VDAC1: variants seen among roughly 807,000 people sequenced by gnomAD.
VDAC1 encodes non-selective voltage-gated ion channel VDAC1.
A neutral mutation model predicts 34.7 loss-of-function variants in VDAC1; 10 were observed. That is an observed-to-expected ratio of 0.29 (90% CI 0.18 to 0.49). VDAC1 has a LOEUF of 0.49. Among genes scored for constraint, VDAC1 ranks in the 20% least tolerant of loss-of-function variants. The probability of loss-of-function intolerance (pLI) is 0.99; values close to 1 mark genes in which losing one functional copy is unlikely to be tolerated. For synonymous variants in VDAC1, 130 were observed against 136.0 expected, an observed-to-expected ratio of 0.96 and a Z score of 0.30; for missense variants, 230 against 347.9, an observed-to-expected ratio of 0.66 and a Z score of 2.69.
the VDAC1 span, among the ~76,000 whole-genome samples, chr5:134,077,602 ACT>A: frequency 6.6e-6 from 1 of 152,156 alleles, no homozygotes; most frequent in East Asian, 1.9e-4. Context: ...TGTGTGTCCA[ACT>A]CTGTTTAAGA....
chr5:134,068,965 A>ACT, the VDAC1 span, among the ~76,000 whole-genome samples: 2 of 77,148 alleles, frequency 2.6e-5, no homozygotes, highest in African/African-American at 9.7e-5. Flanking sequence ...CTGGGAGGTG[A>ACT]CTGTGTGTGT....
the VDAC1 span, among the ~76,000 whole-genome samples, chr5:134,093,196 A>G: frequency 6.6e-6 from 1 of 152,226 alleles, no homozygotes; most frequent in East Asian, 1.9e-4. Context: ...GGTTAGATGT[A>G]AAGAGAACCT....
chr5:134,071,444 G>A, the VDAC1 span, among the ~76,000 whole-genome samples: 1 of 152,176 alleles, frequency 6.6e-6, no homozygotes, highest in East Asian at 1.9e-4. This position sits in a 1 kb window ranked among gnomAD's most constrained non-coding sequence, Gnocchi z 4.1. Context: ...CCTCGGGGGA[G>A]CGCCCTTCTC....
At chr5:134,023,310 C>A in the VDAC1 span, among the ~76,000 whole-genome samples, 1 of 152,052 alleles carries the variant, frequency 6.6e-6, no homozygotes, top group Admixed American at 6.6e-5. Context: ...GAACATCACA[C>A]ACTGGGGTCT....
the VDAC1 span, among the ~76,000 whole-genome samples, chr5:134,067,687 GGAGGGA>G: frequency 1.3e-4 from 19 of 147,224 alleles, no homozygotes; most frequent in African/African-American, 3.6e-4. Flanking sequence ...GAGGAGAGGG[GGAGGGA>G]GAGGGAGAGG....
At chr5:134,004,756 G>GGGCGGCGCGGACGGC (rs1156438224) in intron 1 of VDAC1, 139 bp downstream of exon 1, 1 of 149,774 alleles carries the variant, frequency 6.7e-6, no homozygotes, top group Non-Finnish European at 1.5e-5. Flanking sequence ...GCCAAGGGCG[G>GGGCGGCGCGGACGGC]GGCGGCGCGG....
At chr5:134,007,338 G>A (rs893770849), upstream of VDAC1, among the ~76,000 whole-genome samples, 6 of 152,186 alleles carry the variant, frequency 3.9e-5, no homozygotes, top group Non-Finnish European at 8.8e-5. Flanking sequence ...GGGAGGCCAA[G>A]GAGGTAGGAT....
chr5:133,976,026 A>C lies in VDAC1; in HGVS notation c.552-5T>G. The C allele has an allele frequency of 6.2e-7, 1 of 1,614,160 alleles. No individual in the cohort carries two copies. Among genetic ancestry groups the C allele is most frequent in the Admixed American group, 1.7e-5 (1 of 60,024 alleles). The stretch of plus-strand genomic sequence containing the variant: ...CCAAACTCTGTCCCGTCATTCCTGC[A>C]AACAAGCACAGGACAGATGCTGAGC... On this transcript the variant is annotated splice_polypyrimidine_tract_variant and splice_region_variant and intron_variant, in intron 6 of 8. Coordinates refer to ENST00000265333, the MANE Select transcript of VDAC1 (RefSeq NM_003374.3).
chr5:134,018,715 A>T, the VDAC1 span, among the ~76,000 whole-genome samples: 1 of 152,160 alleles, frequency 6.6e-6, no homozygotes, highest in Admixed American at 6.5e-5. Flanking sequence ...TAAACGAACA[A>T]TGTGATTTAG....
At chr5:134,023,423 C>T in the VDAC1 span, among the ~76,000 whole-genome samples, 2 of 148,228 alleles carry the variant, frequency 1.3e-5, no homozygotes, top group Non-Finnish European at 3.0e-5. Flanking sequence ...CACCATGGCA[C>T]ACGTATACCT....
At chr5:134,000,354 C>A (rs1046435046) in intron 1 of VDAC1, among the ~76,000 whole-genome samples, 3 of 152,224 alleles carry the variant, frequency 2.0e-5, no homozygotes, top group Non-Finnish European at 2.9e-5. Context: ...AGCTGGGCCA[C>A]CACCAGCACA....
chr5:134,027,934 C>A, the VDAC1 span, among the ~76,000 whole-genome samples: 1 of 151,542 alleles, frequency 6.6e-6, no homozygotes, highest in Non-Finnish European at 1.5e-5. Flanking sequence ...CCATACCCTG[C>A]TAATTTTTGT....
the VDAC1 span, among the ~76,000 whole-genome samples, chr5:134,017,183 C>T: frequency 6.6e-6 from 1 of 152,154 alleles, no homozygotes; most frequent in African/African-American, 2.4e-5. Flanking sequence ...ATAAGTATTT[C>T]AAGCCGGGCG....
chr5:134,028,319 G>T, the VDAC1 span, among the ~76,000 whole-genome samples: 1 of 150,756 alleles, frequency 6.6e-6, no homozygotes, highest in Non-Finnish European at 1.5e-5. Context: ...TTTTAGTAGG[G>T]ACAGGGTTTC....
At chr5:134,077,295 A>G in the VDAC1 span, among the ~76,000 whole-genome samples, 4 of 150,514 alleles carry the variant, frequency 2.7e-5, no homozygotes, top group African/African-American at 7.4e-5. Flanking sequence ...AAAAAAAAAA[A>G]GGGATTAAAC....
In VDAC1 at chr5:133,989,506, C is replaced by T. The variant is rs188829317; in HGVS notation, c.323+1349G>A. ...TCCCAAGTATCTGGGACTACAGGCA[C>T]GCACCATCATGCCTGGCTAATTTTT... On this transcript the variant is annotated intron_variant, in intron 5 of 8. Transcript: ENST00000265333. Among the ~76,000 whole-genome samples the T allele has an allele frequency of 2.2e-3, 336 of 150,480 alleles. 1 individual carries two copies. The highest frequency in any genetic ancestry group is 3.2e-3 in the Non-Finnish European group (218 of 67,588).
At chr5:134,016,824 A>G in the VDAC1 span, among the ~76,000 whole-genome samples, 1 of 152,212 alleles carries the variant, frequency 6.6e-6, no homozygotes, top group Non-Finnish European at 1.5e-5. Context: ...CCTGCTGTGT[A>G]GGGTTGTGTG....
chr5:134,077,378 T>C, the VDAC1 span, among the ~76,000 whole-genome samples: 1 of 151,856 alleles, frequency 6.6e-6, no homozygotes, highest in East Asian at 1.9e-4. Context: ...GAAAAAAAAC[T>C]TCAGCTCAGC....
At chr5:134,011,639 CTT>C in the VDAC1 span, among the ~76,000 whole-genome samples, 202 of 135,028 alleles carry the variant, frequency 1.5e-3, no homozygotes, top group Admixed American at 1.3e-3. Context: ...ATCACAAGTT[CTT>C]TTTTTTTTTT....
Sources: allele counts gnomAD v4.1 joint callset (sites outside exome capture counted in the v4.1 genomes callset), GRCh38; gene constraint gnomAD v4.1.1; non-coding constraint Gnocchi (gnomAD v3.1); transcripts MANE v1.5; gene names NCBI Gene and HGNC (gene_info 2026-07-23, HGNC 2026-07-21).